The following NCKAP5 variants were observed in gnomAD, a reference collection of about 807,000 sequenced individuals.
NCKAP5 encodes the protein NCK associated protein 5.
In NCKAP5, 92 loss-of-function variants were observed where a neutral mutation model predicts 167.0. That is an observed-to-expected ratio of 0.55 (90% confidence interval 0.47 to 0.66). The LOEUF (loss-of-function observed/expected upper bound fraction) is 0.66, where lower values mean the gene tolerates loss of function less well. Ranked by LOEUF, NCKAP5 falls within the 30% of genes least tolerant of loss-of-function variation. The pLI, the probability that NCKAP5 is intolerant of heterozygous loss-of-function variation, is 0.00. For synonymous variants in NCKAP5, 891 were observed against 877.4 expected (o/e 1.02, Z -0.27); for missense variants, 2,378 against 2,315.0 (o/e 1.03, Z -0.56).
At chr2:132,797,108 T>G (rs2105172598) in intron 11 of NCKAP5, among the ~76,000 whole-genome samples, 1 of 152,330 alleles carries the variant, frequency 6.6e-6, no homozygotes, top group African/African-American at 2.4e-5. Context: ...CAAGTTCACC[T>G]TACTATGTTG....
In NCKAP5 at chr2:133,172,974, C is replaced by T. The variant is rs559770325; in HGVS notation, c.207+40742G>A. On this transcript the variant is annotated intron_variant, in intron 5 of 19. Coordinates refer to ENST00000409261, the MANE Select transcript of NCKAP5 (RefSeq NM_207363.3). ...AGCTGGGATTACAGGCGGGAGCCACCGTGACGGGCTATCATATCTTTATGG... is the reference window on the plus strand; with the variant it reads ...AGCTGGGATTACAGGCGGGAGCCACTGTGACGGGCTATCATATCTTTATGG... Among the ~76,000 whole-genome samples, 16 of 152,196 alleles carry T rather than the reference C, an allele frequency of 1.1e-4. No individual in the cohort carries two copies. In the East Asian group the frequency reaches 1.7e-3, roughly 17 times the overall value.
chr2:132,722,485 C>T (rs1690017458), intron 19 of NCKAP5, among the ~76,000 whole-genome samples: 1 of 152,228 alleles, frequency 6.6e-6, no homozygotes, highest in African/African-American at 2.4e-5. Context: ...TTCCTCTTCT[C>T]TGTGACTGAG....
chr2:133,335,593 AC>A (rs1257433096), intron 3 of NCKAP5, among the ~76,000 whole-genome samples: 6 of 152,170 alleles, frequency 3.9e-5, no homozygotes, highest in African/African-American at 1.4e-4. Context: ...CTAAAGAACC[AC>A]AAAAAAGTTA....
At chr2:133,583,427 G>T in the NCKAP5 span, among the ~76,000 whole-genome samples, 2 of 151,988 alleles carry the variant, frequency 1.3e-5, no homozygotes, top group Non-Finnish European at 2.9e-5. Context: ...GCCTTGATTG[G>T]AAGCTTCCTG....
Position 132,911,935 on chromosome 2 carries a change from GCTGGTGGTTGGAGGCACGCCCACAGTGT to G in NCKAP5, c.580-33047_580-33020del, listed in dbSNP as rs1426478818. ...GAGAGCTGGCCAGTCGCTGCTTCTTGCTGGTGGTTGGAGGCACGCCCACAGTGTCTGCCTGGAGGAGCCTGTGAGCTGG... is the reference window on the plus strand; with the variant it reads ...GAGAGCTGGCCAGTCGCTGCTTCTTGCTGCCTGGAGGAGCCTGTGAGCTGG... On this transcript the variant is annotated intron_variant, in intron 8 of 19. Coordinates refer to ENST00000409261, the MANE Select transcript of NCKAP5 (RefSeq NM_207363.3). Among the ~76,000 whole-genome samples the G allele has an allele frequency of 9.6e-4, 146 of 152,328 alleles. 1 individual carries two copies. Among genetic ancestry groups the G allele is most frequent in the Non-Finnish European group, 3.8e-4 (26 of 68,036 alleles).
intron 3 of NCKAP5, among the ~76,000 whole-genome samples, chr2:133,465,236 C>T (rs569403881): frequency 6.8e-6 from 1 of 146,914 alleles, no homozygotes; most frequent in East Asian, 2.1e-4. Context: ...TCAATTCCCA[C>T]CTATGAGTGA....
chr2:133,342,884 C>A (rs1423386344), intron 3 of NCKAP5, among the ~76,000 whole-genome samples: 1 of 152,148 alleles, frequency 6.6e-6, no homozygotes, highest in African/African-American at 2.4e-5. Flanking sequence ...CCAGAATGAT[C>A]CCTGCAGGAT....
At chr2:133,143,893 T>C (rs2083091292) in intron 5 of NCKAP5, among the ~76,000 whole-genome samples, 1 of 152,058 alleles carries the variant, frequency 6.6e-6, no homozygotes, top group Admixed American at 6.6e-5. Flanking sequence ...GCAATCTGAT[T>C]CCAGGAACCT....
the NCKAP5 span, among the ~76,000 whole-genome samples, chr2:133,590,691 A>G: frequency 2.0e-5 from 3 of 152,190 alleles, no homozygotes; most frequent in Non-Finnish European, 2.9e-5. Context: ...TTGAACTGTC[A>G]TGCATCTTTA....
chr2:132,711,396 T>A (rs1688835113), intron 19 of NCKAP5, among the ~76,000 whole-genome samples: 1 of 152,224 alleles, frequency 6.6e-6, no homozygotes, highest in Non-Finnish European at 1.5e-5. Flanking sequence ...AAAAGGCATG[T>A]GGCATATGCT....
intron 7 of NCKAP5, among the ~76,000 whole-genome samples, chr2:132,966,796 G>A (rs779792559): frequency 3.9e-5 from 6 of 152,080 alleles, no homozygotes; most frequent in African/African-American, 9.7e-5. Context: ...TCTGTAGGGC[G>A]CATCACAGCC....
At chr2:133,518,206 A>C (rs1378403963) in intron 2 of NCKAP5, among the ~76,000 whole-genome samples, 2 of 152,090 alleles carry the variant, frequency 1.3e-5, no homozygotes, top group African/African-American at 4.8e-5. Flanking sequence ...TTCATCCCTG[A>C]ACTCCACTGA....
At chr2:133,111,555 G>T (rs1324761575) in intron 6 of NCKAP5, among the ~76,000 whole-genome samples, 2 of 152,122 alleles carry the variant, frequency 1.3e-5, no homozygotes, top group South Asian at 4.1e-4. Context: ...TGGTCATGTA[G>T]AATGTGCACA....
intron 19 of NCKAP5, among the ~76,000 whole-genome samples, chr2:132,723,442 G>A (rs1224405594): frequency 4.0e-5 from 6 of 151,846 alleles, no homozygotes; most frequent in South Asian, 4.2e-4. Context: ...GATTACAGGC[G>A]TGAGCCACCG....
chr2:132,978,523 C>T (rs2077041593), intron 7 of NCKAP5, among the ~76,000 whole-genome samples: 1 of 152,144 alleles, frequency 6.6e-6, no homozygotes, highest in African/African-American at 2.4e-5. Flanking sequence ...TAATATTTAG[C>T]TCTGAGAGTC....
chr2:132,873,712 G>C (rs1179606523), intron 9 of NCKAP5, among the ~76,000 whole-genome samples: 1 of 152,062 alleles, frequency 6.6e-6, no homozygotes, highest in Non-Finnish European at 1.5e-5. Flanking sequence ...ATTTGAAGTG[G>C]GTCCACTATT....
intron 8 of NCKAP5, among the ~76,000 whole-genome samples, chr2:132,884,864 G>A (rs749025064): frequency 6.6e-6 from 1 of 152,138 alleles, no homozygotes; most frequent in Non-Finnish European, 1.5e-5. Flanking sequence ...ACAATATCAC[G>A]TTGCAAAAAC....
the NCKAP5 span, among the ~76,000 whole-genome samples, chr2:133,670,472 G>A: frequency 1.3e-5 from 2 of 152,090 alleles, no homozygotes; most frequent in East Asian, 3.9e-4. Flanking sequence ...TCTCCCTTGT[G>A]TGTACTACAT....
intron 6 of NCKAP5, among the ~76,000 whole-genome samples, chr2:133,072,081 C>CTT (rs56234235): frequency 0.24 from 35,133 of 144,874 alleles, 4,543 homozygotes; most frequent in East Asian, 0.57. Flanking sequence ...TTTATCCAGG[C>CTT]TTTTTTTTTT....
Sources: gnomAD v4.1 joint callset for allele counts (sites outside exome capture counted in the v4.1 genomes callset) on GRCh38, gnomAD v4.1.1 for gene constraint, MANE v1.5 for transcripts, NCBI Gene and HGNC (gene_info 2026-07-23, HGNC 2026-07-21) for gene names.